STXBP4: variants seen among roughly 807,000 people sequenced by gnomAD.
STXBP4 encodes syntaxin-binding protein 4.
A neutral mutation model predicts 76.1 loss-of-function variants in STXBP4; 55 were observed. That is an observed-to-expected ratio of 0.72 (90% CI 0.58 to 0.91). STXBP4 has a LOEUF of 0.91. Among genes scored for constraint, STXBP4 ranks in the 40% least tolerant of loss-of-function variants. STXBP4 has a pLI of 0.00. For missense variants in STXBP4, 618 were observed against 636.9 expected (o/e 0.97, Z 0.32); for synonymous variants, 201 against 220.2 (o/e 0.91, Z 0.77).
chr17:55,084,905 C>CAA (rs924987060), intron 16 of STXBP4, among the ~76,000 whole-genome samples: 1 of 152,086 alleles, frequency 6.6e-6, no homozygotes, highest in African/African-American at 2.4e-5. Context: ...AAGACACATG[C>CAA]ACATGTATGT....
chr17:54,981,955 C>A (rs2077556618), intron 1 of STXBP4, among the ~76,000 whole-genome samples: 1 of 152,140 alleles, frequency 6.6e-6, no homozygotes, highest in Non-Finnish European at 1.5e-5. Context: ...ACTCCAACTA[C>A]CTTGAGATAC....
chr17:55,148,418 A>C (rs1008605994), intron 17 of STXBP4, among the ~76,000 whole-genome samples: 1 of 152,238 alleles, frequency 6.6e-6, no homozygotes, highest in Non-Finnish European at 1.5e-5. Flanking sequence ...AATCTAATGC[A>C]ATTAGAAATT....
At chr17:54,986,903 G>A (rs2077634579) in intron 3 of STXBP4, among the ~76,000 whole-genome samples, 1 of 152,126 alleles carries the variant, frequency 6.6e-6, no homozygotes, top group East Asian at 1.9e-4. Context: ...ATCTTGTGAG[G>A]CCTCAGCTAG....
At chr17:55,109,198 G>A (rs1008176105) in intron 16 of STXBP4, among the ~76,000 whole-genome samples, 7 of 152,016 alleles carry the variant, frequency 4.6e-5, no homozygotes, top group Admixed American at 6.5e-5. Context: ...ACTATTATTC[G>A]TCTTTTAAAT....
the STXBP4 span, among the ~76,000 whole-genome samples, chr17:55,192,609 T>C: frequency 1.3e-5 from 2 of 152,196 alleles, no homozygotes; most frequent in African/African-American, 4.8e-5. Flanking sequence ...AAATCACTCT[T>C]TCCAAGATGT....
intron 4 of STXBP4, chr17:54,991,905 A>G (rs1252805389): frequency 1.3e-5 from 2 of 151,982 alleles, no homozygotes; most frequent in Non-Finnish European, 2.9e-5. Context: ...GTTTGGTTAA[A>G]TAAACAGTCC....
At chr17:55,128,698 G>A (rs867932518) in intron 16 of STXBP4, among the ~76,000 whole-genome samples, 1 of 150,034 alleles carries the variant, frequency 6.7e-6, no homozygotes, top group Non-Finnish European at 1.5e-5. Context: ...TCACTGCAAC[G>A]TCCACCACCT....
intron 16 of STXBP4, among the ~76,000 whole-genome samples, chr17:55,097,616 TTG>T (rs1567760590): frequency 6.6e-6 from 1 of 151,790 alleles, no homozygotes; most frequent in South Asian, 2.1e-4. Flanking sequence ...TGAGCTGAGG[TTG>T]TGCCACTGCA....
intron 6 of STXBP4, among the ~76,000 whole-genome samples, chr17:55,000,477 G>A (rs1248160071): frequency 6.6e-6 from 1 of 152,106 alleles, no homozygotes; most frequent in South Asian, 2.1e-4. Flanking sequence ...TTCATCAAAG[G>A]TAACTTCAGT....
intron 4 of STXBP4, among the ~76,000 whole-genome samples, chr17:54,994,893 A>G (rs919556497): frequency 5.9e-5 from 9 of 151,580 alleles, no homozygotes; most frequent in Non-Finnish European, 5.9e-5. Flanking sequence ...CCAGTTATCA[A>G]TTCAAAGACT....
In STXBP4 at chr17:55,030,799, T is replaced by A. The variant is rs148232692; in HGVS notation, c.667-369T>A. The A allele has an allele frequency of 2.9e-4, 49 of 168,324 alleles. No individual in the cohort carries two copies. The East Asian group carries it at 7.7e-3, about 26-fold the overall frequency. The allele number at this position is 168,324 out of a possible 1,614,324, so 10.4% of individuals were successfully genotyped here. A position where few individuals can be genotyped will look rare whatever the true frequency, so the allele number is the denominator to read the frequency against. ...TTCAGTTCTGCTCTCAAAGGCAAGA[T>A]GTTAACCAAATATAATTCATGTTTT... On this transcript the variant is annotated intron_variant, in intron 8 of 17. Transcript: ENST00000376352.
chr17:55,191,118 G>T, the STXBP4 span, among the ~76,000 whole-genome samples: 1 of 152,154 alleles, frequency 6.6e-6, no homozygotes, highest in African/African-American at 2.4e-5. Context: ...AAGGAGTGCA[G>T]ATCTTTTATT....
chr17:55,065,104 G>A (rs1181591064), intron 12 of STXBP4, among the ~76,000 whole-genome samples: 2 of 152,030 alleles, frequency 1.3e-5, no homozygotes, highest in African/African-American at 4.8e-5. Flanking sequence ...GGTCTTTCTA[G>A]TTGCTTTTTC....
intron 12 of STXBP4, among the ~76,000 whole-genome samples, chr17:55,064,741 C>T (rs181543072): frequency 2.9e-4 from 44 of 152,146 alleles, no homozygotes; most frequent in Non-Finnish European, 4.9e-4. Flanking sequence ...CGTGACCTTG[C>T]GATCCACCCA....
At chr17:55,030,957 A>G (rs1018629151) in intron 8 of STXBP4, 1 of 451,974 alleles carries the variant, frequency 2.2e-6, no homozygotes, top group African/African-American at 2.0e-5. Context: ...CTAAAGTGCT[A>G]GTCTTGGGGA....
downstream of STXBP4, among the ~76,000 whole-genome samples, chr17:55,174,363 T>C (rs1220989461): frequency 2.0e-5 from 3 of 152,248 alleles, no homozygotes; most frequent in Non-Finnish European, 1.5e-5. Context: ...GTACTGTCAG[T>C]ATTTTTTATT....
At chr17:55,129,218 G>T (rs538299709) in intron 16 of STXBP4, among the ~76,000 whole-genome samples, 2 of 152,044 alleles carry the variant, frequency 1.3e-5, no homozygotes, top group Non-Finnish European at 2.9e-5. Context: ...GTGAGCCACC[G>T]CTCCTGGCTG....
At chr17:55,132,484 C>T (rs374236988) in intron 16 of STXBP4, among the ~76,000 whole-genome samples, 119 of 152,164 alleles carry the variant, frequency 7.8e-4, no homozygotes, top group Non-Finnish European at 2.8e-4. Flanking sequence ...CCACTGTGCC[C>T]GGCCCAATTA....
Position 55,160,099 on chromosome 17 carries a change from T to C in STXBP4, c.*188T>C. The C allele has an allele frequency of 2.2e-6, 1 of 458,050 alleles. No homozygotes were observed. Among genetic ancestry groups the C allele is most frequent in the Non-Finnish European group, 3.9e-6 (1 of 259,390 alleles). 28.4% of individuals were successfully genotyped at this position (458,050 alleles called of 1,614,324 possible). On this transcript the variant is annotated 3_prime_UTR_variant, in exon 18 of 18. Coordinates refer to ENST00000376352, the MANE Select transcript of STXBP4 (RefSeq NM_178509.6). ...TTTCTGTATACATTTAAAAAATCAA[T>C]TGCCACTACAGTAGTTCCTTAAGAA...
Sources: allele counts gnomAD v4.1 joint callset (sites outside exome capture counted in the v4.1 genomes callset), GRCh38; gene constraint gnomAD v4.1.1; transcripts MANE v1.5; gene names NCBI Gene and HGNC (gene_info 2026-07-23, HGNC 2026-07-21).